The following TMC6 variants were observed in gnomAD, a reference collection of about 807,000 sequenced individuals.
TMC6 encodes transmembrane channel like 6.
TMC6 carries 71 observed loss-of-function variants against 95.4 expected under a neutral mutation model. The ratio of observed to expected loss-of-function variants is 0.74; its 90% CI spans 0.61 to 0.91. The LOEUF is 0.91. Ranked by LOEUF, TMC6 falls within the 40% of genes least tolerant of loss-of-function variation. The probability of loss-of-function intolerance (pLI) is 0.00; values close to 1 mark genes in which losing one functional copy is unlikely to be tolerated. For missense variants in TMC6, 1,074 were observed against 1,079.1 expected (o/e 1.00, Z 0.07); for synonymous variants, 514 against 483.1 (o/e 1.06, Z -0.84).
In TMC6 at chr17:78,126,261, T is replaced by A; in HGVS notation, c.271+16A>T. ...TCGGGGCCGGGGCCGAGGCCGAGGC[T>A]GAGGGTCCCACTCACCAATGGTGCG... On this transcript the variant is annotated intron_variant, in intron 4 of 19. Transcript: ENST00000590602. 6.5e-7 allele frequency: 1 copy of A among 1,549,140 alleles called. No individual in the cohort carries two copies. Among genetic ancestry groups the A allele is most frequent in the Non-Finnish European group, 8.7e-7 (1 of 1,149,546 alleles).
In TMC6 at chr17:78,121,539, T is replaced by C. The variant is rs2074413651; in HGVS notation, c.1383+17A>G. ...GACACGTTCCAAGCAAGGGCCAGGC[T>C]CCCCCCATCCCCGCACCTGGATCAT... On this transcript the variant is annotated intron_variant, in intron 11 of 19. Transcript: ENST00000590602. The surrounding 1 kb of genome is among the most constrained non-coding windows in gnomAD (Gnocchi z 5.6). The C allele has an allele frequency of 2.5e-6, 4 of 1,608,976 alleles. No homozygotes were observed. The East Asian group carries it at 8.9e-5, about 36-fold the overall frequency.
intron 12 of TMC6, 77 bp from the exon 13 acceptor site, chr17:78,120,909 C>G: frequency 6.2e-7 from 1 of 1,611,714 alleles, no homozygotes; most frequent in South Asian, 1.1e-5. Context: ...CCACCAGGGG[C>G]TTGGTCACAC....
rs371196010 is a variant in TMC6, at chr17:78,109,111, TTTGTTG to T, written c.*4031_*4036del. 15 of 262,090 alleles carry T rather than the reference TTTGTTG, an allele frequency of 5.7e-5. No homozygotes were observed. Among genetic ancestry groups the T allele is most frequent in the African/African-American group, 2.7e-4 (12 of 44,756 alleles). 16.2% of individuals were successfully genotyped at this position (262,090 alleles called of 1,614,324 possible). On this transcript the variant is annotated 3_prime_UTR_variant, in exon 20 of 20. Coordinates refer to ENST00000590602, the MANE Select transcript of TMC6 (RefSeq NM_001127198.5). ...ACAGGCATGAGCCAGGTGCCCAGCC[TTTGTTG>T]TTGTTGTTGTTGCTGCTATTTTGGC... is the stretch of plus-strand genomic sequence containing the variant.
chr17:78,125,723 C>T lies in TMC6; in HGVS notation c.430+3G>A, dbSNP rs1474816104. On this transcript the variant is annotated splice_donor_region_variant and intron_variant, in intron 5 of 19. Coordinates refer to ENST00000590602, the MANE Select transcript of TMC6 (RefSeq NM_001127198.5). ...ACTGGGGCTCCAGTGCCCACTCACT[C>T]ACCCTCCTCCTCCAGGGCCGTGGGG... 9 of 1,563,356 alleles carry T rather than the reference C, an allele frequency of 5.8e-6. No individual in the cohort carries two copies. The highest frequency in any genetic ancestry group is 7.8e-6 in the Non-Finnish European group (9 of 1,154,484).
At position 78,122,443 on chromosome 17, in the gene TMC6, C is replaced by G. The variant is rs1468875374; in HGVS notation, c.1227+162G>C. 4.1e-5 allele frequency: 43 copies of G among 1,042,566 alleles called. No individual in the cohort carries two copies. Among genetic ancestry groups the G allele is most frequent in the Non-Finnish European group, 5.1e-5 (37 of 732,398 alleles). The allele number at this position is 1,042,566 out of a possible 1,614,324, so 64.6% of individuals were successfully genotyped here. ...AGAGAAAAACTCAGGGCCTGCCCGT[C>G]ACTGCAAGCAGAAGACCACGCCTGC... is the stretch of plus-strand genomic sequence containing the variant. On this transcript the variant is annotated intron_variant, in intron 10 of 19. Transcript: ENST00000590602. The surrounding 1 kb of genome is among the most constrained non-coding windows in gnomAD (Gnocchi z 4.9).
chr17:78,120,676 C>G lies in TMC6; in HGVS notation c.1692G>C (p.Thr564=), dbSNP rs772083222. The change falls in exon 13 of 20, where the codon ACG becomes ACC. Residue 564 remains threonine (T), a synonymous_variant. Coordinates refer to ENST00000590602, the MANE Select transcript of TMC6 (RefSeq NM_001127198.5). ...ACCTCCACACCAGTTCCCCAAAAAG[C>G]GTGTCCAGCAACATGAGGACGAAGT... ...VMDFVLMLLD[T]LFGELVWRII... 1.9e-6 allele frequency: 3 copies of G among 1,613,924 alleles called. No individual in the cohort carries two copies. In the African/African-American group the frequency reaches 4.0e-5, roughly 22 times the overall value.
rs1032910175 is a variant in TMC6 at position 78,128,631 on chromosome 17, A to C, written c.-94T>G. ...GCTCACCTGGGAGGCGCCGGGGAGGAGGGGCCGCGCGCGCAGCCAGGGCTC... is the reference window on the plus strand; with the variant it reads ...GCTCACCTGGGAGGCGCCGGGGAGGCGGGGCCGCGCGCGCAGCCAGGGCTC... On this transcript the variant is annotated 5_prime_UTR_variant, in exon 1 of 20. Transcript: ENST00000590602. This position sits in a 1 kb window ranked among gnomAD's most constrained non-coding sequence, Gnocchi z 4.0. 1 of 152,006 alleles carries C rather than the reference A, an allele frequency of 6.6e-6. No individual in the cohort carries two copies. The highest frequency in any genetic ancestry group is 1.5e-5 in the Non-Finnish European group (1 of 68,034). The allele number at this position is 152,006 out of a possible 1,614,324, so 9.4% of individuals were successfully genotyped here.
chr17:78,131,487 T>G, upstream of TMC6: 3 of 1,479,644 alleles, frequency 2.0e-6, no homozygotes, highest in Non-Finnish European at 2.7e-6. Flanking sequence ...CAGCCCAGCG[T>G]GCACAGAGGC....
chr17:78,125,276 G>A lies in TMC6; in HGVS notation c.431-13C>T, dbSNP rs1568001051. The A allele has an allele frequency of 6.4e-7, 1 of 1,556,854 alleles. No homozygotes were observed. Among genetic ancestry groups the A allele is most frequent in the South Asian group, 1.2e-5 (1 of 84,648 alleles). ...AGGCTCTGCTTCTCTGCGAGAGGGAGAGGGAGGTCCTGCCCATCCCCAAGT... is the reference window on the plus strand; with the variant it reads ...AGGCTCTGCTTCTCTGCGAGAGGGAAAGGGAGGTCCTGCCCATCCCCAAGT... On this transcript the variant is annotated splice_polypyrimidine_tract_variant and intron_variant, in intron 5 of 19. Transcript: ENST00000590602.
chr17:78,118,071 C>T lies in TMC6; in HGVS notation c.1888-136G>A, dbSNP rs1357272693. ...CCTGGACCCTGCTCCCTGCAGCCTC[C>T]TCATTTACAGAGGAAGACAGAAGCC... On this transcript the variant is annotated intron_variant, in intron 15 of 19. Coordinates refer to ENST00000590602, the MANE Select transcript of TMC6 (RefSeq NM_001127198.5). 3 of 1,446,690 alleles carry T rather than the reference C, an allele frequency of 2.1e-6. No individual in the cohort carries two copies. The African/African-American group carries it at 4.3e-5, about 21-fold the overall frequency. 89.6% of individuals were successfully genotyped at this position (1,446,690 alleles called of 1,614,324 possible).
upstream of TMC6, chr17:78,132,348 T>C (rs2075032135): frequency 2.5e-6 from 4 of 1,612,536 alleles, no homozygotes; most frequent in Admixed American, 5.0e-5. Flanking sequence ...CACCCTGCTC[T>C]CCCACTGCAG....
intron 9 of TMC6, chr17:78,123,013 C>T (rs945312848): frequency 2.8e-5 from 16 of 570,330 alleles, no homozygotes; most frequent in African/African-American, 1.3e-4. Flanking sequence ...TGCCTCCCAG[C>T]GAGACATGGA....
At chr17:78,119,246 G>A in intron 14 of TMC6, 51 bp downstream of exon 14, 1 of 1,605,330 alleles carries the variant, frequency 6.2e-7, no homozygotes, top group Non-Finnish European at 8.5e-7. Context: ...CGGGGGGAAA[G>A]GGGCACTGAC....
In TMC6 at chr17:78,112,916, A is replaced by G. The variant is rs1598812466; in HGVS notation, c.*232T>C. On this transcript the variant is annotated 3_prime_UTR_variant, in exon 20 of 20. Transcript: ENST00000590602. ...CACAGACACAGAGCCCCAAGGGACA[A>G]GCCCATTTGCAAAACCCCTTTAATC... 5.2e-6 allele frequency: 3 copies of G among 578,838 alleles called. No individual in the cohort carries two copies. The highest frequency in any genetic ancestry group is 3.0e-5 in the East Asian group (1 of 33,664). The allele number at this position is 578,838 out of a possible 1,614,324, so 35.9% of individuals were successfully genotyped here. A position where few individuals can be genotyped will look rare whatever the true frequency, so the allele number is the denominator to read the frequency against.
chr17:78,124,353 C>G (rs963114839), intron 8 of TMC6, 171 bp downstream of exon 8: 6 of 1,336,410 alleles, frequency 4.5e-6, no homozygotes, highest in Non-Finnish European at 6.1e-6. Flanking sequence ...AACCCCAGCA[C>G]GATGAGCATC....
In TMC6 at chr17:78,121,745, C is replaced by T; in HGVS notation, c.1228-34G>A. 1 of 1,551,810 alleles carries T rather than the reference C, an allele frequency of 6.4e-7. No individual in the cohort carries two copies. Among genetic ancestry groups the T allele is most frequent in the Non-Finnish European group, 8.7e-7 (1 of 1,153,186 alleles). On this transcript the variant is annotated intron_variant, in intron 10 of 19. Coordinates refer to ENST00000590602, the MANE Select transcript of TMC6 (RefSeq NM_001127198.5). This position sits in a 1 kb window ranked among gnomAD's most constrained non-coding sequence, Gnocchi z 5.6. ...GGCACCGTGTCCCCGTCACCCACACCAGAGCACGGGCACACGCAGACGTGC... is the reference window on the plus strand; with the variant it reads ...GGCACCGTGTCCCCGTCACCCACACTAGAGCACGGGCACACGCAGACGTGC...
Position 78,113,174 on chromosome 17 carries a change from G to C in TMC6, c.2392C>G (p.Leu798Val). The change falls in exon 20 of 20, where the codon CTG becomes GTG. Residue 798 changes from leucine to valine, a missense_variant. Physicochemically the swap from Leu to Val is conservative, Grantham distance 32 (BLOSUM62 1). Coordinates refer to ENST00000590602, the MANE Select transcript of TMC6 (RefSeq NM_001127198.5). Reference protein sequence around the residue: ...TTEEAAAPPALLTDEQDA With the variant: ...TTEEAAAPPAVLTDEQDA ...TAGGCATCCTGTTCATCTGTGAGCA[G>C]GGCAGGGGGTGCCGCAGCCTCCTCG... is the stretch of plus-strand genomic sequence containing the variant. 6.4e-7 allele frequency: 1 copy of C among 1,558,260 alleles called. No homozygotes were observed. The highest frequency in any genetic ancestry group is 8.7e-7 in the Non-Finnish European group (1 of 1,150,058).
chr17:78,113,426 G>T, intron 19 of TMC6, 122 bp downstream of exon 19: 1 of 1,308,848 alleles, frequency 7.6e-7, no homozygotes, highest in Non-Finnish European at 1.1e-6. Flanking sequence ...GATTTTTGTA[G>T]GTCAAAAGCG....
chr17:78,118,427 G>A (rs2074242695), intron 15 of TMC6, among the ~76,000 whole-genome samples: 1 of 152,168 alleles, frequency 6.6e-6, no homozygotes, highest in Non-Finnish European at 1.5e-5. Context: ...GTGGTGGCGG[G>A]CGCCTGTAGT....
Sources: gnomAD v4.1 joint callset for allele counts (sites outside exome capture counted in the v4.1 genomes callset) on GRCh38, gnomAD v4.1.1 for gene constraint, Gnocchi (gnomAD v3.1) non-coding constraint, MANE v1.5 for transcripts, NCBI Gene and HGNC (gene_info 2026-07-23, HGNC 2026-07-21) for gene names.